ERICH1: variants seen among roughly 807,000 people sequenced by gnomAD.
ERICH1 encodes glutamate-rich protein 1.
Under a neutral mutation model 39.6 loss-of-function variants are expected in ERICH1, and 56 were observed. The observed-to-expected ratio is 1.41, with a 90% CI of 1.14 to 1.77. The LOEUF (loss-of-function observed/expected upper bound fraction) is 1.77, where lower values mean the gene tolerates loss of function less well. Among genes scored for constraint, ERICH1 ranks in the 40% most tolerant of loss-of-function variants. The pLI is 0.00. For missense variants in ERICH1, 826 were observed against 575.4 expected (o/e 1.44, Z -4.45); for synonymous variants, 313 against 223.6 (o/e 1.40, Z -3.57).
chr8:664,011 G>A (rs577643881), downstream of ERICH1, among the ~76,000 whole-genome samples: 8 of 152,194 alleles, frequency 5.3e-5, no homozygotes, highest in East Asian at 5.8e-4. Context: ...CGCCTGCCTC[G>A]GTCTCCCAAA....
At chr8:662,564 C>G (rs577910733), downstream of ERICH1, among the ~76,000 whole-genome samples, 29 of 152,288 alleles carry the variant, frequency 1.9e-4, no homozygotes, top group African/African-American at 6.7e-4. Flanking sequence ...TGGAGAATCG[C>G]TTGAACCTGG....
At chr8:715,272 G>C (rs1337438054) in intron 2 of ERICH1, among the ~76,000 whole-genome samples, 1 of 152,252 alleles carries the variant, frequency 6.6e-6, no homozygotes, top group African/African-American at 2.4e-5. Context: ...CTCTCAGTGG[G>C]ATGTGCTGCA....
In ERICH1 at chr8:670,933, G is replaced by A. The variant is rs561258690; in HGVS notation, c.1064-2141C>T. On this transcript the variant is annotated intron_variant, in intron 4 of 5. Coordinates refer to ENST00000262109, the MANE Select transcript of ERICH1 (RefSeq NM_207332.3). ...CCCTGCTCCAACCTCTGAGCCCACC[G>A]GTCCCCCAGGCTCCAACCTCTGCAC... Among the ~76,000 whole-genome samples the A allele has an allele frequency of 6.6e-5, 10 of 150,716 alleles. No individual in the cohort carries two copies. The East Asian group carries it at 7.9e-4, about 12-fold the overall frequency.
intron 1 of ERICH1, among the ~76,000 whole-genome samples, chr8:724,818 G>A (rs1381631443): frequency 3.3e-5 from 5 of 152,152 alleles, no homozygotes; most frequent in African/African-American, 9.7e-5. Flanking sequence ...GGCAGGTTAC[G>A]CTCACTGAGG....
intron 3 of ERICH1, among the ~76,000 whole-genome samples, chr8:682,578 G>C (rs578227815): frequency 1.3e-5 from 2 of 152,242 alleles, no homozygotes; most frequent in Admixed American, 1.3e-4. Context: ...TGAAAGCGAT[G>C]TGAGGGAACC....
chr8:694,856 T>C lies in ERICH1; in HGVS notation c.170-2244A>G, dbSNP rs577225593. On this transcript the variant is annotated intron_variant, in intron 2 of 5. Coordinates refer to ENST00000262109, the MANE Select transcript of ERICH1 (RefSeq NM_207332.3). ...TTTATGGGGTGGGCGGCAGCGAGAG[T>C]TCCCCGTCCCATCATCTCCTCCGCC... is the stretch of plus-strand genomic sequence containing the variant. 7.3e-5 allele frequency among the ~76,000 whole-genome samples: 11 copies of C among 151,704 alleles called. No individual in the cohort carries two copies. The South Asian group carries it at 1.5e-3, about 20-fold the overall frequency.
At chr8:618,874 G>A (rs1386623672) in intron 3 of ERICH1, among the ~76,000 whole-genome samples, 1 of 152,120 alleles carries the variant, frequency 6.6e-6, no homozygotes, top group South Asian at 2.1e-4. Context: ...AAAGGTAGAG[G>A]ACACAGCTGC....
chr8:631,036 GACCACCC>G (rs1198414009), intron 3 of ERICH1, among the ~76,000 whole-genome samples: 1 of 147,758 alleles, frequency 6.8e-6, no homozygotes, highest in African/African-American at 2.5e-5. Context: ...ACCCTCCCGT[GACCACCC>G]ACCACCCACA....
At chr8:698,697 A>T (rs733934) in intron 2 of ERICH1, among the ~76,000 whole-genome samples, 1 of 151,844 alleles carries the variant, frequency 6.6e-6, no homozygotes. Context: ...CTCACTGTCT[A>T]GAGCTCCTGG....
chr8:664,810 T>A (rs1585120255), intron 5 of ERICH1, 134 bp from the exon 6 acceptor site: 1 of 634,774 alleles, frequency 1.6e-6, no homozygotes, highest in Middle Eastern at 4.3e-4. Context: ...AACTTTGGCA[T>A]GAAACTGATG....
chr8:658,933 G>A (rs923069104), intron 3 of ERICH1, among the ~76,000 whole-genome samples: 5 of 152,200 alleles, frequency 3.3e-5, no homozygotes, highest in African/African-American at 1.2e-4. Context: ...CCCTTACCAG[G>A]CTCTGGATTT....
intron 2 of ERICH1, among the ~76,000 whole-genome samples, chr8:704,191 C>T (rs1282723894): frequency 2.0e-5 from 3 of 152,286 alleles, no homozygotes; most frequent in Non-Finnish European, 4.4e-5. Flanking sequence ...ATATTTATCT[C>T]CCAAAAACCA....
chr8:629,794 G>T (rs536095382), intron 3 of ERICH1, among the ~76,000 whole-genome samples: 2 of 135,530 alleles, frequency 1.5e-5, no homozygotes, highest in East Asian at 4.3e-4. Context: ...GGACAGAGCT[G>T]ACTCACACCC....
intron 3 of ERICH1, among the ~76,000 whole-genome samples, chr8:653,749 G>A (rs1304079346): frequency 6.6e-6 from 1 of 152,166 alleles, no homozygotes; most frequent in Non-Finnish European, 1.5e-5. Flanking sequence ...ATGTTATGCT[G>A]GGTGAAATGA....
intron 3 of ERICH1, among the ~76,000 whole-genome samples, chr8:689,874 T>A (rs953995319): frequency 6.6e-6 from 1 of 152,192 alleles, no homozygotes; most frequent in Admixed American, 6.5e-5. Context: ...TAAATTCATG[T>A]AGGGCAGTGT....
chr8:729,192 G>A (rs1160230006), intron 1 of ERICH1, among the ~76,000 whole-genome samples: 7 of 152,196 alleles, frequency 4.6e-5, no homozygotes, highest in Non-Finnish European at 8.8e-5. Flanking sequence ...GCCAACATCC[G>A]GCGGTGAATA....
rs1815885758 is a variant in ERICH1, at chr8:715,994, C to T, written c.36G>A (p.Lys12=). The T allele has an allele frequency of 6.2e-7, 1 of 1,610,112 alleles. No homozygotes were observed. The highest frequency in any genetic ancestry group is 1.3e-5 in the African/African-American group (1 of 74,550). The change falls in exon 2 of 6, where the codon AAG becomes AAA. Residue 12 remains lysine, a synonymous_variant. Transcript: ENST00000262109. ...CAGGAGGAAAAAGTCTCTGCAGCAC[C>T]TTCTCCACAAACACTGTACAGACAA... ...AAHRKHVFVE[K]VLQRLFPPVP...
At chr8:657,800 G>C (rs970594426) in intron 3 of ERICH1, among the ~76,000 whole-genome samples, 1 of 152,104 alleles carries the variant, frequency 6.6e-6, no homozygotes, top group Non-Finnish European at 1.5e-5. Flanking sequence ...GATAATGAGA[G>C]GGATTTTCAG....
At chr8:708,686 T>TTTTTTG (rs1563319432) in intron 2 of ERICH1, among the ~76,000 whole-genome samples, 3 of 48,980 alleles carry the variant, frequency 6.1e-5, no homozygotes, top group South Asian at 9.3e-4. Context: ...AATGAGTTTT[T>TTTTTTG]TTTTTTTTTT....
Sources: gnomAD v4.1 joint callset for allele counts (sites outside exome capture counted in the v4.1 genomes callset) on GRCh38, gnomAD v4.1.1 for gene constraint, MANE v1.5 for transcripts, NCBI Gene and HGNC (gene_info 2026-07-23, HGNC 2026-07-21) for gene names.